Variants in TMLHE observed in about 807,000 individuals in gnomAD.
TMLHE encodes trimethyllysine dioxygenase, mitochondrial.
Under a neutral mutation model 25.7 loss-of-function variants are expected in TMLHE, and 18 were observed. The ratio of observed to expected loss-of-function variants is 0.70; its 90% CI spans 0.48 to 1.04. The LOEUF (loss-of-function observed/expected upper bound fraction) is 1.04. Ranked by LOEUF, TMLHE falls within the 50% of genes least tolerant of loss-of-function variation. TMLHE has a pLI of 0.00. For synonymous variants in TMLHE, 105 were observed against 97.0 expected, an observed-to-expected ratio of 1.08 and a Z score of -0.49; for missense variants, 236 against 259.0, an observed-to-expected ratio of 0.91 and a Z score of 0.61.
chrX:155,549,776 G>A (rs782381078), intron 1 of TMLHE, among the ~76,000 whole-genome samples: 9 of 109,710 alleles, frequency 8.2e-5, no homozygotes, highest in East Asian at 2.8e-4. Context: ...TGTGCAGAAC[G>A]TGCAGGTTTG....
At chrX:155,606,423 A>G (rs970581868) in intron 1 of TMLHE, among the ~76,000 whole-genome samples, 21 of 112,029 alleles carry the variant, frequency 1.9e-4, no homozygotes, top group Non-Finnish European at 3.4e-4. Flanking sequence ...CTCAGACCAC[A>G]GCACAATAAA....
At chrX:155,578,592 G>C (rs782330761) in intron 1 of TMLHE, among the ~76,000 whole-genome samples, 5 of 111,969 alleles carry the variant, frequency 4.5e-5, no homozygotes, top group Non-Finnish European at 7.5e-5. Context: ...GTTGTAGGAG[G>C]ATGCCCCATC....
intron 4 of TMLHE, among the ~76,000 whole-genome samples, chrX:155,513,381 T>C (rs1557334082): frequency 9.0e-6 from 1 of 111,504 alleles, no homozygotes; most frequent in African/African-American, 3.3e-5. Flanking sequence ...AGACACTTGG[T>C]ATATTTGAGT....
In TMLHE at chrX:155,561,618, G is replaced by C. The variant is rs2067496978; in HGVS notation, c.-1-16341C>G. On this transcript the variant is annotated intron_variant, in intron 1 of 7. Transcript: ENST00000334398. ...AAGTCCAAAGTCTTATCGGACACAAGGCAAGTTCCTTCTGCTATGATCCCA... is the reference window on the plus strand; with the variant it reads ...AAGTCCAAAGTCTTATCGGACACAACGCAAGTTCCTTCTGCTATGATCCCA... 3.2e-5 allele frequency among the ~76,000 whole-genome samples: 2 copies of C among 61,805 alleles called. 1 individual carries two copies. Among genetic ancestry groups the C allele is most frequent in the African/African-American group, 7.2e-5 (2 of 27,841 alleles). 53.7% of individuals were successfully genotyped at this position (61,805 alleles called of 115,157 possible). A position where few individuals can be genotyped will look rare whatever the true frequency, so the allele number is the denominator to read the frequency against.
chrX:155,521,976 C>A (rs954224958), intron 3 of TMLHE, among the ~76,000 whole-genome samples: 2 of 107,185 alleles, frequency 1.9e-5, no homozygotes, highest in Admixed American at 1.0e-4. Context: ...AGAAATCACC[C>A]GTCTTCTGCG....
chrX:155,590,513 A>G (rs1189118953), intron 1 of TMLHE, among the ~76,000 whole-genome samples: 2 of 111,821 alleles, frequency 1.8e-5, no homozygotes, highest in African/African-American at 6.5e-5. Context: ...TTGGGGGTTT[A>G]TATCACATAT....
chrX:155,557,717 C>T (rs2067467636), intron 1 of TMLHE, among the ~76,000 whole-genome samples: 1 of 111,452 alleles, frequency 9.0e-6, no homozygotes. Flanking sequence ...TACACCTAAA[C>T]TGTTTCCTCC....
chrX:155,558,634 T>C (rs2067474631), intron 1 of TMLHE, among the ~76,000 whole-genome samples: 1 of 111,922 alleles, frequency 8.9e-6, no homozygotes, highest in Admixed American at 9.5e-5. Context: ...GCTTAAGATA[T>C]TTTGCTTAAG....
At chrX:155,582,124 G>T (rs112930296) in intron 1 of TMLHE, among the ~76,000 whole-genome samples, 20 of 111,938 alleles carry the variant, frequency 1.8e-4, no homozygotes, top group South Asian at 3.7e-4. Flanking sequence ...TAGCCATATG[G>T]AGAAAGCTGA....
In TMLHE at chrX:155,514,335, C is replaced by T. The variant is rs182277596; in HGVS notation, c.359-70G>A. 3.4e-5 allele frequency: 36 copies of T among 1,056,458 alleles called. No homozygotes were observed. In the East Asian group the frequency reaches 1.1e-3, roughly 31 times the overall value. 87.1% of individuals were successfully genotyped at this position (1,056,458 alleles called of 1,213,427 possible). A position where few individuals can be genotyped will look rare whatever the true frequency, so the allele number is the denominator to read the frequency against. On this transcript the variant is annotated intron_variant, in intron 3 of 7. Transcript: ENST00000334398. ...TGTCAATATTTGTAATTGGTTACAA[C>T]TAGTTAAGAATCTTTTTCCTAGCAA...
chrX:155,543,087 T>G (rs2067322427), intron 2 of TMLHE, among the ~76,000 whole-genome samples: 1 of 111,583 alleles, frequency 9.0e-6, no homozygotes, highest in African/African-American at 3.3e-5. Flanking sequence ...TGCTCAAGAT[T>G]GCTTTAGCCA....
intron 1 of TMLHE, among the ~76,000 whole-genome samples, chrX:155,576,369 C>A (rs2067589238): frequency 9.0e-6 from 1 of 111,650 alleles, no homozygotes. Context: ...ATGACACCAA[C>A]AAATGGGAAA....
At chrX:155,527,612 G>C (rs1202144494) in intron 2 of TMLHE, among the ~76,000 whole-genome samples, 2 of 111,179 alleles carry the variant, frequency 1.8e-5, no homozygotes, top group Non-Finnish European at 3.8e-5. Context: ...CTATACATCA[G>C]GTTACTCATT....
At position 155,519,237 on chromosome X, in the gene TMLHE, T is replaced by A. The variant is rs1269616987; in HGVS notation, c.359-4972A>T. Among the ~76,000 whole-genome samples, 11 of 16,110 alleles carry A rather than the reference T, an allele frequency of 6.8e-4. 1 individual carries two copies. The highest frequency in any genetic ancestry group is 1.3e-3 in the African/African-American group (10 of 7,542). The allele number at this position is 16,110 out of a possible 115,157, so 14.0% of individuals were successfully genotyped here. A position where few individuals can be genotyped will look rare whatever the true frequency, so the allele number is the denominator to read the frequency against. On this transcript the variant is annotated intron_variant, in intron 3 of 7. Transcript: ENST00000334398. ...TATGTGATGTCTTTGTTCTCGTTGG[T>A]TTCAAAGAACATCTTTATTTCTGCC...
chrX:155,601,630 C>T (rs782695718), intron 1 of TMLHE, among the ~76,000 whole-genome samples: 2 of 110,841 alleles, frequency 1.8e-5, no homozygotes, highest in Non-Finnish European at 3.8e-5. Context: ...AAAGGAGAAA[C>T]GGAGGAACAA....
At chrX:155,522,748 G>C (rs781803288) in intron 3 of TMLHE, among the ~76,000 whole-genome samples, 5 of 111,887 alleles carry the variant, frequency 4.5e-5, no homozygotes, top group African/African-American at 6.5e-5. Context: ...TTATTGTATG[G>C]ATGGTTTGTT....
intron 2 of TMLHE, among the ~76,000 whole-genome samples, chrX:155,533,682 T>C (rs1484869443): frequency 9.0e-6 from 1 of 111,044 alleles, no homozygotes; most frequent in African/African-American, 3.3e-5. Context: ...ATATAAATAA[T>C]TGTAAACAGA....
In TMLHE at chrX:155,511,791, C is replaced by T. The variant is rs2067115125; in HGVS notation, c.640G>A (p.Glu214Lys). Residue 214 changes from glutamate (E) to lysine (K), a missense_variant and splice_region_variant, in exon 5 of 8, where the codon GAA becomes AAA. Transcript: ENST00000334398. The stretch of plus-strand genomic sequence containing the variant: ...TACCACATCCTCCCATAAATGGTTT[C>T]TCTGTTAGTTGAAATAAAGAAAGAC... ...KLAERISLIR[E>K]TIYGRMWYFT... The T allele has an allele frequency of 4.3e-6, 5 of 1,161,334 alleles. No individual in the cohort carries two copies. Among genetic ancestry groups the T allele is most frequent in the Non-Finnish European group, 4.6e-6 (4 of 862,944 alleles).
intron 1 of TMLHE, among the ~76,000 whole-genome samples, chrX:155,575,110 C>T (rs1360513496): frequency 9.0e-6 from 1 of 111,626 alleles, no homozygotes; most frequent in Non-Finnish European, 1.9e-5. Flanking sequence ...ATGTTGGTTC[C>T]TTCTAAGGGC....
Sources: allele counts gnomAD v4.1 joint callset (sites outside exome capture counted in the v4.1 genomes callset), GRCh38; gene constraint gnomAD v4.1.1; transcripts MANE v1.5; gene names NCBI Gene and HGNC (gene_info 2026-07-23, HGNC 2026-07-21).